Variants in TDRD5 observed in about 807,000 individuals in gnomAD.
The protein encoded by TDRD5 is tudor domain containing 5.
Under a neutral mutation model 120.6 loss-of-function variants are expected in TDRD5, and 41 were observed. The observed-to-expected ratio is 0.34, with a 90% CI of 0.26 to 0.44. The LOEUF is 0.44. TDRD5 is among the 20% of genes least tolerant of loss of function. The probability of loss-of-function intolerance (pLI) is 1.00; values close to 1 mark genes in which losing one functional copy is unlikely to be tolerated. For synonymous variants in TDRD5, 430 were observed against 433.7 expected (o/e 0.99, Z 0.11); for missense variants, 1,006 against 1,221.2 (o/e 0.82, Z 2.63).
At chr1:179,640,481 C>T (rs762949432) in intron 11 of TDRD5, 36 bp downstream of exon 11, 3 of 1,588,132 alleles carry the variant, frequency 1.9e-6, no homozygotes, top group Non-Finnish European at 2.6e-6. Context: ...TCAGCAAACA[C>T]TTGAGTGCCT....
At chr1:179,628,466 G>GT (rs1263815038) in intron 6 of TDRD5, among the ~76,000 whole-genome samples, 3,569 of 114,866 alleles carry the variant, frequency 0.031, 155 homozygotes, top group African/African-American at 0.093. Flanking sequence ...GTCCAGCTAA[G>GT]TTTTTTTTTT....
intron 6 of TDRD5, among the ~76,000 whole-genome samples, chr1:179,625,538 C>T (rs1231167287): frequency 6.6e-6 from 1 of 152,156 alleles, no homozygotes; most frequent in African/African-American, 2.4e-5. Flanking sequence ...GACTGATAAA[C>T]ATATGATAAA....
intron 4 of TDRD5, among the ~76,000 whole-genome samples, chr1:179,615,776 C>CT (rs11318606): frequency 0.33 from 49,087 of 147,046 alleles, 8,159 homozygotes; most frequent in Admixed American, 0.42. Context: ...TTGAGGTAAA[C>CT]TTTTTTTTTT....
chr1:179,669,744 A>C (rs1419666313), intron 17 of TDRD5, among the ~76,000 whole-genome samples: 6 of 152,194 alleles, frequency 3.9e-5, no homozygotes, highest in Non-Finnish European at 8.8e-5. Flanking sequence ...CATCAGCCTG[A>C]AAAGTTTCCT....
intron 13 of TDRD5, among the ~76,000 whole-genome samples, chr1:179,653,163 C>A (rs1188960366): frequency 6.6e-6 from 1 of 152,138 alleles, no homozygotes; most frequent in African/African-American, 2.4e-5. Flanking sequence ...TTCCTCACGA[C>A]AACAGATACT....
chr1:179,614,306 G>T (rs1676445058), intron 4 of TDRD5, among the ~76,000 whole-genome samples: 1 of 152,074 alleles, frequency 6.6e-6, no homozygotes, highest in Non-Finnish European at 1.5e-5. Context: ...TTAAATGATG[G>T]TATCAATGTG....
chr1:179,620,714 G>A lies in TDRD5; in HGVS notation c.916-321G>A, dbSNP rs147608566. Among the ~76,000 whole-genome samples, 63 of 152,086 alleles carry A rather than the reference G, an allele frequency of 4.1e-4. 1 individual carries two copies. The highest frequency in any genetic ancestry group is 1.0e-4 in the Non-Finnish European group (7 of 67,952). On this transcript the variant is annotated intron_variant, in intron 5 of 17. Coordinates refer to ENST00000444136, the MANE Select transcript of TDRD5 (RefSeq NM_001199085.3). The stretch of plus-strand genomic sequence containing the variant: ...TAACAATTAAAATGCTTGAAACTGT[G>A]CTATAGGATGTTTTATGTGAGCTGA...
chr1:179,639,692 A>G, intron 9 of TDRD5, 147 bp from the exon 10 acceptor site: 1 of 719,902 alleles, frequency 1.4e-6, no homozygotes, highest in Non-Finnish European at 2.3e-6. Flanking sequence ...AAAACAATTA[A>G]TTGGTATTAA....
chr1:179,679,491 C>T lies in TDRD5; in HGVS notation c.2860+10087C>T, dbSNP rs141975916. 5.9e-5 allele frequency among the ~76,000 whole-genome samples: 9 copies of T among 152,028 alleles called. No homozygotes were observed. The East Asian group carries it at 1.7e-3, about 29-fold the overall frequency. The stretch of plus-strand genomic sequence containing the variant: ...TTTGGTAGAATTCAATAATGAGGAC[C>T]TCTGGACCTAGAGTTTTCTTTGAAG... On this transcript the variant is annotated intron_variant, in intron 17 of 17. Transcript: ENST00000444136.
At chr1:179,643,547 G>A (rs1678166888) in intron 11 of TDRD5, among the ~76,000 whole-genome samples, 1 of 152,192 alleles carries the variant, frequency 6.6e-6, no homozygotes, top group Non-Finnish European at 1.5e-5. Flanking sequence ...GAGTCGTAAA[G>A]TGAAATAAAT....
At position 179,638,919 on chromosome 1, in the gene TDRD5, A is replaced by G. The variant is rs1189544827; in HGVS notation, c.1521-920A>G. Among the ~76,000 whole-genome samples the G allele has an allele frequency of 3.1e-5, 2 of 64,504 alleles. 1 individual carries two copies. The highest frequency in any genetic ancestry group is 7.4e-5 in the Non-Finnish European group (2 of 27,116). The allele number at this position is 64,504 out of a possible 152,430, so 42.3% of individuals were successfully genotyped here. A position where few individuals can be genotyped will look rare whatever the true frequency, so the allele number is the denominator to read the frequency against. ...CAGGAGAGCTTGGGAAACCTGAATGACCATTTACCCAGTTAAAATTTGGGG... is the reference window on the plus strand; with the variant it reads ...CAGGAGAGCTTGGGAAACCTGAATGGCCATTTACCCAGTTAAAATTTGGGG... On this transcript the variant is annotated intron_variant, in intron 9 of 17. Coordinates refer to ENST00000444136, the MANE Select transcript of TDRD5 (RefSeq NM_001199085.3).
intron 1 of TDRD5, 196 bp from the exon 2 acceptor site, chr1:179,592,406 C>A: frequency 1.9e-6 from 1 of 540,042 alleles, no homozygotes; most frequent in Non-Finnish European, 3.3e-6. Context: ...ACACCTGTAG[C>A]TTAATCAACG....
In TDRD5 at chr1:179,668,283, C is replaced by G. The variant is rs560614090; in HGVS notation, c.2650-911C>G. Among the ~76,000 whole-genome samples, 4 of 152,328 alleles carry G rather than the reference C, an allele frequency of 2.6e-5. No homozygotes were observed. The South Asian group carries it at 8.3e-4, about 32-fold the overall frequency. ...GGAGCATGCAGCTCTTGCCTCCTTTCATGGCTAGCTGCACACACACAGTTT... is the reference window on the plus strand; with the variant it reads ...GGAGCATGCAGCTCTTGCCTCCTTTGATGGCTAGCTGCACACACACAGTTT... On this transcript the variant is annotated intron_variant, in intron 16 of 17. Transcript: ENST00000444136.
chr1:179,655,500 T>C (rs536502999), intron 14 of TDRD5, among the ~76,000 whole-genome samples: 8 of 152,336 alleles, frequency 5.3e-5, no homozygotes, highest in Middle Eastern at 3.4e-3. Flanking sequence ...TACTATTCTA[T>C]CAACTTTAAT....
chr1:179,659,594 C>A (rs12089519), intron 14 of TDRD5, among the ~76,000 whole-genome samples: 1 of 139,596 alleles, frequency 7.2e-6, no homozygotes, highest in Non-Finnish European at 1.6e-5. Context: ...TGTGTGTGCG[C>A]GCGCTTGCCT....
At chr1:179,600,771 G>A (rs547608210) in intron 4 of TDRD5, among the ~76,000 whole-genome samples, 2 of 152,180 alleles carry the variant, frequency 1.3e-5, no homozygotes, top group South Asian at 4.1e-4. Context: ...TTTCTTCTAA[G>A]TATTGCTATA....
chr1:179,654,254 G>T lies in TDRD5; in HGVS notation c.2214G>T (p.Glu738Asp), dbSNP rs1184384728. Reference protein sequence around the residue: ...SLSHLKSESKEPLKDSEFESL... With the variant: ...SLSHLKSESKDPLKDSEFESL... ...GTCATCTTAAATCTGAGTCAAAGGAGCCATTAAAGGATTCTGAATTTGAGT... is the reference window on the plus strand; with the variant it reads ...GTCATCTTAAATCTGAGTCAAAGGATCCATTAAAGGATTCTGAATTTGAGT... Residue 738 changes from glutamate to aspartate, a missense_variant, in exon 14 of 18, where the codon GAG (glutamate) becomes GAT (aspartate). Glu to Asp is a conservative substitution (Grantham distance 45). This residue lies in a region of TDRD5 where 403 missense variants were observed against 448.1 expected (regional missense o/e 0.90). Coordinates refer to ENST00000444136, the MANE Select transcript of TDRD5 (RefSeq NM_001199085.3). The T allele has an allele frequency of 6.5e-7, 1 of 1,548,872 alleles. No homozygotes were observed. Among genetic ancestry groups the T allele is most frequent in the Non-Finnish European group, 8.7e-7 (1 of 1,146,022 alleles).
Position 179,635,893 on chromosome 1 carries a change from AGTCT to A in TDRD5, c.1520+9_1520+12del, listed in dbSNP as rs756385910. On this transcript the variant is annotated splice_region_variant and intron_variant, in intron 9 of 17. Coordinates refer to ENST00000444136, the MANE Select transcript of TDRD5 (RefSeq NM_001199085.3). ...GACATGATGATTGAAATGCGGTAGG[AGTCT>A]GTTGTTTTCAATGTGTTTTTCACAT... 74 of 1,610,524 alleles carry A rather than the reference AGTCT, an allele frequency of 4.6e-5. No homozygotes were observed. In the South Asian group the frequency reaches 7.7e-4, roughly 17 times the overall value.
At chr1:179,675,491 G>A (rs1680100096) in intron 17 of TDRD5, among the ~76,000 whole-genome samples, 1 of 150,906 alleles carries the variant, frequency 6.6e-6, no homozygotes, top group Non-Finnish European at 1.5e-5. Context: ...GTGTTAGCCA[G>A]GATGGTCTCG....
Sources: allele counts gnomAD v4.1 joint callset (sites outside exome capture counted in the v4.1 genomes callset), GRCh38; gene constraint gnomAD v4.1.1; regional missense constraint gnomAD v4.1.1; transcripts MANE v1.5; gene names NCBI Gene and HGNC (gene_info 2026-07-23, HGNC 2026-07-21).